Variants in DZANK1 observed in about 807,000 individuals in gnomAD.
The protein encoded by DZANK1 is double zinc ribbon and ankyrin repeat-containing protein 1.
A neutral mutation model predicts 94.5 loss-of-function variants in DZANK1; 91 were observed. The ratio of observed to expected loss-of-function variants is 0.96; its 90% CI spans 0.81 to 1.15. The LOEUF (loss-of-function observed/expected upper bound fraction) is 1.15, where lower values mean the gene tolerates loss of function less well. DZANK1 is among the 50% of genes most tolerant of loss of function. The probability of loss-of-function intolerance (pLI) is 0.00; values close to 1 mark genes in which losing one functional copy is unlikely to be tolerated. For synonymous variants in DZANK1, 312 were observed against 325.3 expected (o/e 0.96, Z 0.44); for missense variants, 903 against 916.4 (o/e 0.99, Z 0.19).
At chr20:18,387,951 A>G (rs1221636892) in intron 19 of DZANK1, among the ~76,000 whole-genome samples, 1 of 152,214 alleles carries the variant, frequency 6.6e-6, no homozygotes, top group Non-Finnish European at 1.5e-5. Context: ...TGGATGACTT[A>G]TGCCTAAAAG....
At chr20:18,432,513 G>A (rs1464863609) in intron 9 of DZANK1, 4 of 152,324 alleles carry the variant, frequency 2.6e-5, no homozygotes, top group Non-Finnish European at 5.9e-5. Context: ...GGCCTGGCCA[G>A]TTATTCAAAA....
chr20:18,444,621 C>T (rs1277307326), intron 7 of DZANK1, among the ~76,000 whole-genome samples: 2 of 152,168 alleles, frequency 1.3e-5, no homozygotes, highest in East Asian at 1.9e-4. Context: ...GGCTGCAAAG[C>T]TCATGCTTAC....
intron 9 of DZANK1, among the ~76,000 whole-genome samples, chr20:18,430,271 G>A (rs1046115418): frequency 2.6e-5 from 4 of 152,126 alleles, no homozygotes; most frequent in African/African-American, 9.7e-5. Flanking sequence ...CCCAAATCAC[G>A]GTGTGAGAGG....
At chr20:18,465,413 C>CTTAT in intron 1 of DZANK1, 36 bp from the exon 2 acceptor site, 2 of 963,382 alleles carry the variant, frequency 2.1e-6, no homozygotes, top group Non-Finnish European at 1.4e-6. Context: ...CCAATGTACA[C>CTTAT]AAAAGCTGAA....
intron 14 of DZANK1, 78 bp from the exon 15 acceptor site, chr20:18,396,624 G>A (rs2148257760): frequency 1.0e-6 from 1 of 999,454 alleles, no homozygotes; most frequent in Non-Finnish European, 1.5e-6. Flanking sequence ...TACAAATTCT[G>A]AGATGTCAAA....
intron 5 of DZANK1, among the ~76,000 whole-genome samples, chr20:18,453,395 T>G (rs1569011839): frequency 6.6e-6 from 1 of 152,154 alleles, no homozygotes; most frequent in Non-Finnish European, 1.5e-5. Flanking sequence ...AGCTTCGCTT[T>G]GAGACTATCA....
exon 2 of DZANK1, chr20:18,465,337 C>A: frequency 6.2e-7 from 1 of 1,604,450 alleles, no homozygotes. Flanking sequence ...ATCTGAGGGA[C>A]ACACACTGAA....
At chr20:18,431,975 T>C (rs1341841094) in intron 9 of DZANK1, among the ~76,000 whole-genome samples, 1 of 152,222 alleles carries the variant, frequency 6.6e-6, no homozygotes, top group Non-Finnish European at 1.5e-5. Context: ...TATTATGTCA[T>C]AAAAATGTCT....
intron 10 of DZANK1, among the ~76,000 whole-genome samples, chr20:18,417,189 T>C (rs984343157): frequency 6.6e-6 from 1 of 152,228 alleles, no homozygotes; most frequent in African/African-American, 2.4e-5. Flanking sequence ...AGCTCTGATA[T>C]ACCATTCAGA....
exon 3 of DZANK1, chr20:18,460,232 C>G (rs1158597386): frequency 1.3e-6 from 2 of 1,595,134 alleles, no homozygotes; most frequent in East Asian, 4.5e-5. Flanking sequence ...GTGTTATTTT[C>G]CCCATAACCA....
intron 20 of DZANK1, 118 bp from the exon 21 acceptor site, chr20:18,384,682 A>C: frequency 9.0e-7 from 1 of 1,115,088 alleles, no homozygotes; most frequent in Non-Finnish European, 1.2e-6. Context: ...CACCTCCCCA[A>C]ACCTCTCCCC....
chr20:18,436,709 A>G (rs981911513), intron 8 of DZANK1, among the ~76,000 whole-genome samples: 1 of 152,178 alleles, frequency 6.6e-6, no homozygotes, highest in Non-Finnish European at 1.5e-5. Context: ...ACCAATACTC[A>G]GCACATCCAA....
intron 7 of DZANK1, among the ~76,000 whole-genome samples, chr20:18,447,752 A>G (rs1028845030): frequency 5.3e-5 from 8 of 152,172 alleles, no homozygotes; most frequent in Non-Finnish European, 1.2e-4. Flanking sequence ...GCAAATAAAA[A>G]CCACAATGAG....
intron 10 of DZANK1, among the ~76,000 whole-genome samples, chr20:18,426,743 G>A (rs914412638): frequency 2.0e-5 from 3 of 152,110 alleles, no homozygotes; most frequent in Non-Finnish European, 4.4e-5. Context: ...AAGGTGGAGG[G>A]GATGACAAAG....
chr20:18,423,171 T>C (rs1459991547), intron 10 of DZANK1, among the ~76,000 whole-genome samples: 1 of 152,192 alleles, frequency 6.6e-6, no homozygotes, highest in Non-Finnish European at 1.5e-5. Flanking sequence ...AGCAATAGGC[T>C]ATACCAGATA....
intron 7 of DZANK1, among the ~76,000 whole-genome samples, chr20:18,445,094 A>G (rs1332145427): frequency 6.6e-6 from 1 of 152,124 alleles, no homozygotes; most frequent in Non-Finnish European, 1.5e-5. Context: ...GGCGTGAGCC[A>G]CCGCGCCCGG....
chr20:18,422,078 G>A (rs1276361028), intron 10 of DZANK1, among the ~76,000 whole-genome samples: 3 of 152,062 alleles, frequency 2.0e-5, no homozygotes, highest in Non-Finnish European at 2.9e-5. Context: ...AATTCTGTTT[G>A]TCTATTTTTT....
chr20:18,389,610 G>A (rs912431230), intron 19 of DZANK1, 91 bp downstream of exon 19: 62 of 1,533,414 alleles, frequency 4.0e-5, no homozygotes, highest in Admixed American at 5.4e-5. Flanking sequence ...AAACTGAACA[G>A]GGTGTGTGTG....
chr20:18,465,034 T>C (rs1409576568), intron 2 of DZANK1, among the ~76,000 whole-genome samples: 2 of 152,058 alleles, frequency 1.3e-5, no homozygotes, highest in African/African-American at 2.4e-5. Context: ...ACTATACAAA[T>C]GAAAGGTTGG....
Sources: gnomAD v4.1 joint callset for allele counts (sites outside exome capture counted in the v4.1 genomes callset) on GRCh38, gnomAD v4.1.1 for gene constraint, MANE v1.5 for transcripts, NCBI Gene and HGNC (gene_info 2026-07-23, HGNC 2026-07-21) for gene names.